Variants in TPH2 observed in about 807,000 individuals in gnomAD.
The protein encoded by TPH2 is tryptophan hydroxylase 2.
Under a neutral mutation model 59.1 loss-of-function variants are expected in TPH2, and 27 were observed. The ratio of observed to expected loss-of-function variants is 0.46; its 90% CI spans 0.34 to 0.63. The LOEUF (loss-of-function observed/expected upper bound fraction) is 0.63, where lower values mean the gene tolerates loss of function less well. TPH2 is among the 30% of genes least tolerant of loss of function. The pLI is 0.01. For missense variants in TPH2, 523 were observed against 588.3 expected (o/e 0.89, Z 1.15); for synonymous variants, 220 against 210.5 (o/e 1.05, Z -0.39).
chr12:72,018,613 A>G (rs942208766), intron 8 of TPH2, among the ~76,000 whole-genome samples: 3 of 152,200 alleles, frequency 2.0e-5, no homozygotes, highest in African/African-American at 7.2e-5. Context: ...CTGAACGTGT[A>G]TTTTGGATGC....
intron 5 of TPH2, among the ~76,000 whole-genome samples, chr12:71,957,953 A>G (rs1278315994): frequency 3.3e-5 from 5 of 152,206 alleles, no homozygotes; most frequent in Non-Finnish European, 5.9e-5. Context: ...TTCAGATTGT[A>G]TTAGGTTCCT....
At chr12:71,996,614 A>G (rs1005691) in intron 8 of TPH2, among the ~76,000 whole-genome samples, 2,426 of 152,132 alleles carry the variant, frequency 0.016, 25 homozygotes, top group Middle Eastern at 0.048. Flanking sequence ...CACTTGTCTG[A>G]CCTTGAATAG....
rs886049813 is a variant in TPH2, at chr12:71,938,905, C to T, written c.-82C>T. On this transcript the variant is annotated 5_prime_UTR_variant, in exon 1 of 11. Coordinates refer to ENST00000333850, the MANE Select transcript of TPH2 (RefSeq NM_173353.4). ...CCCAAGCAGGCAGCTGATCGCACGC[C>T]CCTTCCTCTCAATCTCCGCCAGCGC... 1.9e-5 allele frequency: 23 copies of T among 1,201,642 alleles called. No homozygotes were observed. The highest frequency in any genetic ancestry group is 2.7e-5 in the Non-Finnish European group (22 of 810,178). The allele number at this position is 1,201,642 out of a possible 1,614,324, so 74.4% of individuals were successfully genotyped here.
At chr12:71,986,948 A>G (rs1232495280) in intron 7 of TPH2, among the ~76,000 whole-genome samples, 3 of 152,188 alleles carry the variant, frequency 2.0e-5, no homozygotes, top group African/African-American at 7.2e-5. Flanking sequence ...ATCACTGTTC[A>G]TACCTCTTTA....
At chr12:72,027,590 C>G (rs369893399) in intron 9 of TPH2, among the ~76,000 whole-genome samples, 3 of 152,258 alleles carry the variant, frequency 2.0e-5, no homozygotes, top group South Asian at 4.1e-4. Flanking sequence ...GTGTTCTTAA[C>G]CATAAAGACC....
chr12:71,962,327 T>C (rs1052395646), intron 5 of TPH2: 15 of 985,372 alleles, frequency 1.5e-5, no homozygotes, highest in African/African-American at 1.7e-5. Flanking sequence ...TTCATTACAA[T>C]GTTCAGCCAA....
intron 9 of TPH2, among the ~76,000 whole-genome samples, chr12:72,025,590 A>G (rs1873546467): frequency 6.6e-6 from 1 of 152,220 alleles, no homozygotes; most frequent in African/African-American, 2.4e-5. Context: ...CATAAATCTT[A>G]CAACCATAAA....
At chr12:72,010,743 T>A (rs1382915615) in intron 8 of TPH2, among the ~76,000 whole-genome samples, 1 of 152,160 alleles carries the variant, frequency 6.6e-6, no homozygotes, top group Non-Finnish European at 1.5e-5. Context: ...CAGTGGTGAC[T>A]ACCCACAGCT....
intron 8 of TPH2, among the ~76,000 whole-genome samples, chr12:72,011,231 G>A (rs1873091703): frequency 6.6e-6 from 1 of 152,188 alleles, no homozygotes; most frequent in Non-Finnish European, 1.5e-5. Flanking sequence ...TGAGGCTCAT[G>A]CACTATTTCT....
intron 9 of TPH2, among the ~76,000 whole-genome samples, chr12:72,030,627 T>C (rs1873694839): frequency 6.6e-6 from 1 of 152,184 alleles, no homozygotes; most frequent in African/African-American, 2.4e-5. Flanking sequence ...CTATTAATAT[T>C]AGCTCCTTTT....
intron 4 of TPH2, 79 bp from the exon 5 acceptor site, chr12:71,949,509 C>A (rs1246696085): frequency 8.4e-7 from 1 of 1,188,570 alleles, no homozygotes; most frequent in Non-Finnish European, 1.3e-6. Context: ...CACTCAGACA[C>A]CACAGTGATT....
At position 72,031,524 on chromosome 12, in the gene TPH2, C is replaced by A. The variant is rs781089624; in HGVS notation, c.1302C>A (p.Asp434Glu). 6.2e-7 allele frequency: 1 copy of A among 1,613,500 alleles called. No homozygotes were observed. Among genetic ancestry groups the A allele is most frequent in the South Asian group, 1.1e-5 (1 of 91,076 alleles). The change falls in exon 11 of 11, where the codon GAC becomes GAA. Residue 434 changes from aspartate (D) to glutamate (E), a missense_variant. Physicochemically the swap from Asp to Glu is conservative, Grantham distance 45. Transcript: ENST00000333850. Reference sequence around the variant, plus strand: ...TCTACTTCTGTTTATTCTGCAGGGACTTTGCAAAGTCAATTACCCGTCCCT... The same window carrying A: ...TCTACTTCTGTTTATTCTGCAGGGAATTTGCAAAGTCAATTACCCGTCCCT... ...SFEEAKEKMR[D>E]FAKSITRPFS...
Position 72,031,300 on chromosome 12 carries a change from A to C in TPH2, c.1207A>C (p.Lys403Gln). The C allele has an allele frequency of 6.2e-7, 1 of 1,613,662 alleles. No individual in the cohort carries two copies. Among genetic ancestry groups the C allele is most frequent in the Non-Finnish European group, 8.5e-7 (1 of 1,179,644 alleles). Residue 403 changes from lysine (K) to glutamine (Q), a missense_variant, in exon 10 of 11, where the codon AAG (lysine) becomes CAG (glutamine). Lys to Gln is a moderately conservative substitution (Grantham distance 53, BLOSUM62 1). Transcript: ENST00000333850. ...GGCATGTGTGAAAGCCTTTGACCCA[A>C]AGACAACTTGCTTACAGGAATGCCT... ...DKACVKAFDP[K>Q]TTCLQECLIT...
intron 4 of TPH2, among the ~76,000 whole-genome samples, chr12:71,948,335 G>A (rs1424662313): frequency 6.6e-6 from 1 of 152,054 alleles, no homozygotes; most frequent in African/African-American, 2.4e-5. Context: ...CTTGGACAGA[G>A]GATACTTCAT....
intron 8 of TPH2, among the ~76,000 whole-genome samples, chr12:71,999,270 G>A (rs2139225859): frequency 6.6e-6 from 1 of 152,268 alleles, no homozygotes; most frequent in Admixed American, 6.5e-5. Flanking sequence ...TTTAATGTGG[G>A]CAATGGTTTC....
intron 1 of TPH2, among the ~76,000 whole-genome samples, chr12:71,939,787 G>T (rs1000533879): frequency 1.3e-5 from 2 of 152,130 alleles, no homozygotes; most frequent in African/African-American, 4.8e-5. Flanking sequence ...CTGCTTTCAG[G>T]TAGTAGTCAT....
Position 71,978,995 on chromosome 12 carries a change from C to A in TPH2, c.849C>A (p.Ser283Arg), listed in dbSNP as rs1176183110. 1 of 1,613,950 alleles carries A rather than the reference C, an allele frequency of 6.2e-7. No homozygotes were observed. The highest frequency in any genetic ancestry group is 1.3e-5 in the African/African-American group (1 of 74,884). Residue 283 changes from serine to arginine, a missense_variant, in exon 7 of 11, where the codon AGC becomes AGA. Coordinates refer to ENST00000333850, the MANE Select transcript of TPH2 (RefSeq NM_173353.4). ...FTVRPVAGYL[S>R]PRDFLAGLAY... ...TGAGGCCGGTGGCTGGATACCTGAG[C>A]CCACGAGACTTTCTGGCAGGACTGG...
At chr12:71,966,365 G>A (rs962162655) in intron 5 of TPH2, among the ~76,000 whole-genome samples, 2 of 152,054 alleles carry the variant, frequency 1.3e-5, no homozygotes, top group Non-Finnish European at 1.5e-5. Flanking sequence ...TATACTTTAA[G>A]TTCTGAGATA....
intron 7 of TPH2, among the ~76,000 whole-genome samples, chr12:71,984,006 C>A (rs1189645328): frequency 6.6e-6 from 1 of 152,092 alleles, no homozygotes; most frequent in African/African-American, 2.4e-5. Flanking sequence ...AAAGCAGCAC[C>A]CTTTGCTGTG....
Sources: allele counts gnomAD v4.1 joint callset (sites outside exome capture counted in the v4.1 genomes callset), GRCh38; gene constraint gnomAD v4.1.1; transcripts MANE v1.5; gene names NCBI Gene and HGNC (gene_info 2026-07-23, HGNC 2026-07-21).